The following PRDM9 variants were observed in gnomAD, a reference collection of about 807,000 sequenced individuals.
PRDM9 encodes the protein PR/SET domain 9, also known as histone-lysine N-methyltransferase PRDM9.
PRDM9 carries 47 observed loss-of-function variants against 55.6 expected under a neutral mutation model. That is an observed-to-expected ratio of 0.85 (90% confidence interval 0.67 to 1.08). PRDM9 has a LOEUF of 1.08. PRDM9 is among the 50% of genes least tolerant of loss of function. The pLI, the probability that PRDM9 is intolerant of heterozygous loss-of-function variation, is 0.00. For synonymous variants in PRDM9, 312 were observed against 375.7 expected (o/e 0.83, Z 1.96); for missense variants, 867 against 1,040.3 (o/e 0.83, Z 2.29).
In PRDM9 at chr5:23,527,658, A is replaced by G. The variant is rs754055777; in HGVS notation, c.2570A>G (p.Glu857Gly). 9.9e-6 allele frequency: 15 copies of G among 1,520,166 alleles called. No individual in the cohort carries two copies. Among genetic ancestry groups the G allele is most frequent in the Non-Finnish European group, 1.2e-5 (14 of 1,125,386 alleles). The allele number at this position is 1,520,166 out of a possible 1,614,324, so 94.2% of individuals were successfully genotyped here. The change falls in exon 11 of 11, where the codon GAG becomes GGG. Residue 857 changes from glutamate (E) to glycine (G), a missense_variant. By Grantham distance (98) the Glu-to-Gly change is moderately conservative. Transcript: ENST00000296682. ...LLRHQRTHTG[E>G]KPYVCRECGR... Reference sequence around the variant, plus strand: ...AGACACCAGAGGACACACACAGGGGAGAAGCCCTACGTCTGCAGGGAGTGT... The same window carrying G: ...AGACACCAGAGGACACACACAGGGGGGAAGCCCTACGTCTGCAGGGAGTGT...
Position 23,517,885 on chromosome 5 carries a change from A to C in PRDM9, c.306A>C (p.Lys102Asn). The change falls in exon 5 of 11, where the codon AAA becomes AAC. Residue 102 changes from lysine (K) to asparagine (N), a missense_variant. This residue lies in a region of PRDM9 where 662 missense variants were observed against 711.9 expected (regional missense o/e 0.93). Coordinates refer to ENST00000296682, the MANE Select transcript of PRDM9 (RefSeq NM_020227.4). ...DEEWTPRQQVKPPWMALRVEQ... is the reference protein window; with the variant it reads ...DEEWTPRQQVNPPWMALRVEQ... ...TGATTTCTCATCACCTTTTAGTCAAACCTCCTTGGATGGCCTTAAGAGTGG... is the reference window on the plus strand; with the variant it reads ...TGATTTCTCATCACCTTTTAGTCAACCCTCCTTGGATGGCCTTAAGAGTGG... 1 of 1,597,678 alleles carries C rather than the reference A, an allele frequency of 6.3e-7. No individual in the cohort carries two copies. Among genetic ancestry groups the C allele is most frequent in the Non-Finnish European group, 8.6e-7 (1 of 1,165,086 alleles).
At chr5:23,517,171 A>G (rs1229022219) in intron 4 of PRDM9, among the ~76,000 whole-genome samples, 5 of 143,596 alleles carry the variant, frequency 3.5e-5, no homozygotes, top group African/African-American at 1.3e-4. Flanking sequence ...AAAAAAAAAA[A>G]GGTTGGGGGG....
Position 23,523,451 on chromosome 5 carries a change from T to C in PRDM9, c.950+93T>C. 6.1e-6 allele frequency: 8 copies of C among 1,319,168 alleles called. No homozygotes were observed. The Admixed American group carries it at 6.9e-5, about 11-fold the overall frequency. The allele number at this position is 1,319,168 out of a possible 1,614,324, so 81.7% of individuals were successfully genotyped here. On this transcript the variant is annotated intron_variant, in intron 9 of 10. Coordinates refer to ENST00000296682, the MANE Select transcript of PRDM9 (RefSeq NM_020227.4). ...TATCATTATGCCTCCCTCAATGATT[T>C]TCACATTCCCTATTTCTATTTTTCT...
In PRDM9 at chr5:23,527,983, G is replaced by C. The variant is rs1429587412; in HGVS notation, c.*210G>C. The stretch of plus-strand genomic sequence containing the variant: ...GGAAGAACAAGGGATAGTTCTGTAA[G>C]TGTTCGGGGGACATCAGCATGTGTG... On this transcript the variant is annotated 3_prime_UTR_variant, in exon 11 of 11. Transcript: ENST00000296682. 5.7e-6 allele frequency: 4 copies of C among 702,996 alleles called. No homozygotes were observed. Among genetic ancestry groups the C allele is most frequent in the Non-Finnish European group, 9.5e-6 (4 of 420,040 alleles). 43.5% of individuals were successfully genotyped at this position (702,996 alleles called of 1,614,324 possible).
At chr5:23,509,775 C>T in intron 3 of PRDM9, 145 bp from the exon 4 acceptor site, 5 of 1,327,134 alleles carry the variant, frequency 3.8e-6, no homozygotes, top group South Asian at 3.7e-5. Context: ...ATTGACCATG[C>T]AGAGGTCACA....
chr5:23,513,353 A>G (rs1462114351), intron 4 of PRDM9, among the ~76,000 whole-genome samples: 2 of 152,210 alleles, frequency 1.3e-5, no homozygotes, highest in African/African-American at 4.8e-5. Flanking sequence ...GATAGCTCCA[A>G]CCTCATGAAT....
intron 1 of PRDM9, among the ~76,000 whole-genome samples, chr5:23,508,713 G>A (rs1272755810): frequency 6.6e-6 from 1 of 152,096 alleles, no homozygotes; most frequent in South Asian, 2.1e-4. Context: ...TTCTCCAAAT[G>A]AGCCTAGCTG....
In PRDM9 at chr5:23,528,057, C is replaced by A; in HGVS notation, c.*284C>A. ...CCATTTTTTGTTTGTTTTTTTGCCT[C>A]CTGTTCTAATAAATTTTGTCTCCAT... On this transcript the variant is annotated 3_prime_UTR_variant, in exon 11 of 11. Transcript: ENST00000296682. 1.9e-6 allele frequency: 1 copy of A among 530,728 alleles called. No individual in the cohort carries two copies. Among genetic ancestry groups the A allele is most frequent in the Non-Finnish European group, 3.4e-6 (1 of 297,206 alleles). The allele number at this position is 530,728 out of a possible 1,614,324, so 32.9% of individuals were successfully genotyped here.
rs569109915 is a variant in PRDM9, at chr5:23,510,378, T to C, written c.301+351T>C. Among the ~76,000 whole-genome samples, 398 of 151,856 alleles carry C rather than the reference T, an allele frequency of 2.6e-3. 2 individuals carry two copies. Among genetic ancestry groups the C allele is most frequent in the African/African-American group, 9.1e-3 (375 of 41,394 alleles). On this transcript the variant is annotated intron_variant, in intron 4 of 10. Transcript: ENST00000296682. ...GCCTGGCCTATTTTTATTTTTTATT[T>C]TTTTGAGACAGGGTCTCCCTCTGTC...
chr5:23,523,214 T>C (rs1164494023), intron 8 of PRDM9, 77 bp from the exon 9 acceptor site: 3 of 1,514,378 alleles, frequency 2.0e-6, no homozygotes, highest in African/African-American at 2.8e-5. Flanking sequence ...CCAAAGGCCA[T>C]TGACGACAGT....
chr5:23,513,608 A>G (rs1739142326), intron 4 of PRDM9, among the ~76,000 whole-genome samples: 1 of 151,978 alleles, frequency 6.6e-6, no homozygotes, highest in South Asian at 2.1e-4. Flanking sequence ...TGGGCCAGGC[A>G]TGGTGGCTCA....
At chr5:23,514,597 C>T (rs1217685002) in intron 4 of PRDM9, among the ~76,000 whole-genome samples, 1 of 151,932 alleles carries the variant, frequency 6.6e-6, no homozygotes, top group Non-Finnish European at 1.5e-5. Flanking sequence ...TACAGGGGCA[C>T]ACCAGCTAAT....
At chr5:23,511,191 G>C (rs1739088922) in intron 4 of PRDM9, among the ~76,000 whole-genome samples, 1 of 151,942 alleles carries the variant, frequency 6.6e-6, no homozygotes, top group South Asian at 2.1e-4. Context: ...CCTGAAACCA[G>C]CCTGGGTTTA....
At chr5:23,519,336 A>G (rs1409065039) in intron 5 of PRDM9, among the ~76,000 whole-genome samples, 2 of 152,026 alleles carry the variant, frequency 1.3e-5, no homozygotes, top group Non-Finnish European at 2.9e-5. Context: ...CTGGGATTAC[A>G]TATGTGAGCC....
chr5:23,508,607 G>A (rs1389989588), intron 1 of PRDM9, among the ~76,000 whole-genome samples: 1 of 152,118 alleles, frequency 6.6e-6, no homozygotes, highest in African/African-American at 2.4e-5. Flanking sequence ...AGCAGTCGGG[G>A]GGCCTCAAGG....
Position 23,522,735 on chromosome 5 carries a change from A to C in PRDM9, c.732A>C (p.Pro244=). Residue 244 remains proline, a synonymous_variant, in exon 8 of 11, where the codon CCA becomes CCC. Transcript: ENST00000296682. ...ACCGTTCAGCCCTCAGTCTGCCCCC[A>C]GGGCTGAGAATTGGGCCATCAGGCA... The part of the protein sequence containing the change: ...HPNRSALSLP[P]GLRIGPSGIP... 6.2e-7 allele frequency: 1 copy of C among 1,614,194 alleles called. No homozygotes were observed. Among genetic ancestry groups the C allele is most frequent in the Non-Finnish European group, 8.5e-7 (1 of 1,180,044 alleles).
intron 1 of PRDM9, among the ~76,000 whole-genome samples, chr5:23,508,527 C>A (rs1357214203): frequency 6.6e-6 from 1 of 152,120 alleles, no homozygotes; most frequent in African/African-American, 2.4e-5. Context: ...GTCCCCAAAT[C>A]CTGTCTATGC....
At chr5:23,523,466 T>C in intron 9 of PRDM9, 108 bp downstream of exon 9, 1 of 1,179,240 alleles carries the variant, frequency 8.5e-7, no homozygotes, top group Non-Finnish European at 1.3e-6. Flanking sequence ...ATTCCCTATT[T>C]CTATTTTTCT....
At position 23,509,591 on chromosome 5, in the gene PRDM9, T is replaced by C. The variant is rs1297522674; in HGVS notation, c.191T>C (p.Ile64Thr). The stretch of plus-strand genomic sequence containing the variant: ...AGGAACTATAATGCACTGATTACTA[T>C]AGGTAACAGGAAGTGCTGGGCACAG... ...VKRNYNALIT[I>T]GLRATRPAFM... The change falls in exon 3 of 11, where the codon ATA (isoleucine) becomes ACA (threonine). Residue 64 changes from isoleucine (I) to threonine (T), a missense_variant and splice_region_variant. Coordinates refer to ENST00000296682, the MANE Select transcript of PRDM9 (RefSeq NM_020227.4). The C allele has an allele frequency of 1.9e-6, 3 of 1,614,158 alleles. No homozygotes were observed. In the Admixed American group the frequency reaches 5.0e-5, roughly 27 times the overall value.
Sources: gnomAD v4.1 joint callset for allele counts (sites outside exome capture counted in the v4.1 genomes callset) on GRCh38, gnomAD v4.1.1 for gene constraint, gnomAD v4.1.1 regional missense constraint, MANE v1.5 for transcripts, NCBI Gene and HGNC (gene_info 2026-07-23, HGNC 2026-07-21) for gene names.